Variants in KANK1 observed in about 807,000 individuals in gnomAD.
The protein encoded by KANK1 is KN motif and ankyrin repeat domains 1, also known as KN motif and ankyrin repeat domain-containing protein 1.
KANK1 carries 109 observed loss-of-function variants against 106.2 expected under a neutral mutation model. The ratio of observed to expected loss-of-function variants is 1.03; its 90% CI spans 0.88 to 1.20. The LOEUF is 1.20. Among genes scored for constraint, KANK1 ranks in the 50% most tolerant of loss-of-function variants. The probability of loss-of-function intolerance (pLI) is 0.00; values close to 1 mark genes in which losing one functional copy is unlikely to be tolerated. For missense variants in KANK1, 2,399 were observed against 1,710.7 expected (o/e 1.40, Z -7.10); for synonymous variants, 873 against 652.2 (o/e 1.34, Z -5.16).
At chr9:690,817 T>C (rs1819728845) in intron 2 of KANK1, among the ~76,000 whole-genome samples, 1 of 152,204 alleles carries the variant, frequency 6.6e-6, no homozygotes, top group Non-Finnish European at 1.5e-5. Context: ...ATCCCAGGGA[T>C]AAAGACTGTG....
At chr9:654,309 G>T (rs886086910) in intron 1 of KANK1, among the ~76,000 whole-genome samples, 1 of 152,164 alleles carries the variant, frequency 6.6e-6, no homozygotes, top group South Asian at 2.1e-4. Flanking sequence ...TTAGAAGGCA[G>T]GGTGTTTTCC....
chr9:604,095 C>A (rs1361877615), intron 1 of KANK1, among the ~76,000 whole-genome samples: 1 of 151,406 alleles, frequency 6.6e-6, no homozygotes, highest in Admixed American at 6.6e-5. Context: ...GGTACCAGTT[C>A]ATAATAAATT....
intron 1 of KANK1, among the ~76,000 whole-genome samples, chr9:647,391 A>T (rs1563921564): frequency 6.6e-6 from 1 of 150,984 alleles, no homozygotes; most frequent in Non-Finnish European, 1.5e-5. Context: ...TTTATGACAT[A>T]TGAGAAATAA....
intron 1 of KANK1, among the ~76,000 whole-genome samples, chr9:666,703 T>C (rs1339181595): frequency 6.6e-6 from 1 of 152,184 alleles, no homozygotes; most frequent in Non-Finnish European, 1.5e-5. Context: ...AATGATCATA[T>C]GGTTTTTGTT....
At chr9:558,247 G>C (rs867466230) in intron 1 of KANK1, among the ~76,000 whole-genome samples, 9 of 152,156 alleles carry the variant, frequency 5.9e-5, no homozygotes, top group Non-Finnish European at 8.8e-5. Flanking sequence ...ATAGCAAACT[G>C]CTCACTGCAG....
rs116430777 is a variant in KANK1, at chr9:603,014, G to A, written c.-83-73876G>A. 2.1e-4 allele frequency among the ~76,000 whole-genome samples: 32 copies of A among 151,816 alleles called. 1 individual carries two copies. Among genetic ancestry groups the A allele is most frequent in the African/African-American group, 3.6e-4 (15 of 41,114 alleles). On this transcript the variant is annotated intron_variant, in intron 1 of 11. Coordinates refer to ENST00000382297, the MANE Select transcript of KANK1 (RefSeq NM_015158.5). The stretch of plus-strand genomic sequence containing the variant: ...CACAGTGATAATTATCTTCCTTAGC[G>A]TTTTGTTCTACTTCAGAGCTCATTT...
chr9:567,110 C>T (rs1817998013), intron 1 of KANK1, among the ~76,000 whole-genome samples: 2 of 152,270 alleles, frequency 1.3e-5, no homozygotes, highest in African/African-American at 4.8e-5. Context: ...GTCCTTTCCC[C>T]ATTGCTTGTT....
chr9:479,931 A>G (rs1442315663), intron 3 of KANK1, among the ~76,000 whole-genome samples: 1 of 152,238 alleles, frequency 6.6e-6, no homozygotes. Context: ...CCAGTTCTCC[A>G]GATGGCCTTT....
chr9:645,617 C>T (rs763140173), intron 1 of KANK1, among the ~76,000 whole-genome samples: 8 of 150,494 alleles, frequency 5.3e-5, no homozygotes, highest in Non-Finnish European at 7.4e-5. Context: ...CGTGGTGGCT[C>T]ATGCCTGTAA....
chr9:619,157 C>T (rs1433726473), intron 1 of KANK1, among the ~76,000 whole-genome samples: 1 of 152,186 alleles, frequency 6.6e-6, no homozygotes, highest in Admixed American at 6.5e-5. Context: ...ATCCTCAGTT[C>T]TTGCTTTACA....
chr9:630,454 G>T (rs189741604), intron 1 of KANK1, among the ~76,000 whole-genome samples: 422 of 152,172 alleles, frequency 2.8e-3, no homozygotes, highest in African/African-American at 9.8e-3. Context: ...GGGAGGCTGA[G>T]GCGGGAGAAT....
chr9:542,323 A>T (rs2060652843), intron 1 of KANK1, among the ~76,000 whole-genome samples: 1 of 152,204 alleles, frequency 6.6e-6, no homozygotes, highest in Admixed American at 6.5e-5. Context: ...ACATGGCAAA[A>T]CCTCGTCTCT....
At chr9:721,791 T>C (rs1028229557) in intron 3 of KANK1, among the ~76,000 whole-genome samples, 3 of 152,254 alleles carry the variant, frequency 2.0e-5, no homozygotes, top group Non-Finnish European at 4.4e-5. Context: ...TGTTCACTTA[T>C]GTGCTGTACT....
intron 1 of KANK1, among the ~76,000 whole-genome samples, chr9:528,105 C>G (rs568249622): frequency 6.7e-6 from 1 of 149,036 alleles, no homozygotes; most frequent in South Asian, 2.1e-4. Context: ...TGCACTCCAT[C>G]GAGCCTGGGC....
At chr9:630,561 A>G (rs1835446746) in intron 1 of KANK1, among the ~76,000 whole-genome samples, 1 of 151,996 alleles carries the variant, frequency 6.6e-6, no homozygotes, top group Non-Finnish European at 1.5e-5. Context: ...ATAAAAAGTA[A>G]TAACCTGAAG....
At chr9:656,085 C>G (rs1376606742) in intron 1 of KANK1, among the ~76,000 whole-genome samples, 4 of 152,204 alleles carry the variant, frequency 2.6e-5, no homozygotes, top group Non-Finnish European at 5.9e-5. Flanking sequence ...TTCTTGCTGT[C>G]AGACCGCAGG....
chr9:629,154 A>T (rs1262370453), intron 1 of KANK1, among the ~76,000 whole-genome samples: 1 of 151,772 alleles, frequency 6.6e-6, no homozygotes, highest in Admixed American at 6.6e-5. Flanking sequence ...GTTTGTGATC[A>T]GTGAGATCTC....
At chr9:662,514 A>G (rs1366380109) in intron 1 of KANK1, among the ~76,000 whole-genome samples, 2 of 147,228 alleles carry the variant, frequency 1.4e-5, no homozygotes, top group Admixed American at 6.9e-5. Context: ...GGCCTCAGAA[A>G]TAACACCACA....
intron 3 of KANK1, among the ~76,000 whole-genome samples, chr9:498,637 G>C (rs1244372617): frequency 6.6e-6 from 1 of 152,158 alleles, no homozygotes; most frequent in Non-Finnish European, 1.5e-5. Flanking sequence ...GATGTGAATG[G>C]ACATTTCTCC....
Sources: gnomAD v4.1 joint callset for allele counts (sites outside exome capture counted in the v4.1 genomes callset) on GRCh38, gnomAD v4.1.1 for gene constraint, MANE v1.5 for transcripts, NCBI Gene and HGNC (gene_info 2026-07-23, HGNC 2026-07-21) for gene names.